Variants in TLR6 observed in about 807,000 individuals in gnomAD.
TLR6 encodes the protein toll like receptor 6, also known as toll-like receptor 6.
TLR6 carries 9 observed loss-of-function variants against 16.1 expected under a neutral mutation model. That is an observed-to-expected ratio of 0.56 (90% CI 0.34 to 0.98). The LOEUF (loss-of-function observed/expected upper bound fraction) is 0.98. Among genes scored for constraint, TLR6 ranks in the 50% least tolerant of loss-of-function variants. The pLI, the probability that TLR6 is intolerant of heterozygous loss-of-function variation, is 0.02. For synonymous variants in TLR6, 340 were observed against 338.6 expected, an observed-to-expected ratio of 1.00 and a Z score of -0.04; for missense variants, 786 against 921.0, an observed-to-expected ratio of 0.85 and a Z score of 1.90.
upstream of TLR6, among the ~76,000 whole-genome samples, chr4:38,860,500 A>C (rs3860069): frequency 0.34 from 50,764 of 149,332 alleles, 10,635 homozygotes; most frequent in East Asian, 0.57. Context: ...TTATATATTA[A>C]GTATTGATAG....
chr4:38,854,561 T>C (rs1005727834), intron 1 of TLR6, among the ~76,000 whole-genome samples: 1 of 152,074 alleles, frequency 6.6e-6, no homozygotes, highest in Non-Finnish European at 1.5e-5. Flanking sequence ...TAGGGAAAAT[T>C]AAAAAATATA....
At chr4:38,838,217 C>T (rs1410570725) in intron 1 of TLR6, among the ~76,000 whole-genome samples, 1 of 152,196 alleles carries the variant, frequency 6.6e-6, no homozygotes, top group Non-Finnish European at 1.5e-5. Flanking sequence ...ATAGAACTAA[C>T]ATACAATCCA....
intron 1 of TLR6, among the ~76,000 whole-genome samples, chr4:38,850,319 A>G (rs1020795726): frequency 6.6e-6 from 1 of 152,232 alleles, no homozygotes; most frequent in South Asian, 2.1e-4. Context: ...AATTAAAAGA[A>G]CTAGAGAAGC....
intron 1 of TLR6, among the ~76,000 whole-genome samples, chr4:38,853,509 G>A (rs1253472119): frequency 6.6e-6 from 1 of 152,178 alleles, no homozygotes; most frequent in Non-Finnish European, 1.5e-5. Context: ...TTATAAGACT[G>A]TCAATGTGGA....
At chr4:38,830,013 G>T (rs2109415414) in intron 1 of TLR6, among the ~76,000 whole-genome samples, 1 of 152,338 alleles carries the variant, frequency 6.6e-6, no homozygotes. Context: ...GGAAATCTCT[G>T]TATATACCAG....
At chr4:38,864,271 A>T in the TLR6 span, among the ~76,000 whole-genome samples, 959 of 152,242 alleles carry the variant, frequency 6.3e-3, 14 homozygotes, top group African/African-American at 0.021. Flanking sequence ...GAATACCAGG[A>T]GTTTGCTTTG....
At chr4:38,850,327 A>G (rs1189035643) in intron 1 of TLR6, among the ~76,000 whole-genome samples, 1 of 152,194 alleles carries the variant, frequency 6.6e-6, no homozygotes, top group Non-Finnish European at 1.5e-5. Context: ...GAACTAGAGA[A>G]GCAAGAGCAA....
chr4:38,823,638 G>A (rs1727409040), downstream of TLR6: 1 of 152,240 alleles, frequency 6.6e-6, no homozygotes, highest in Non-Finnish European at 1.5e-5. Context: ...ATGGATGGAG[G>A]AGATACTTTA....
chr4:38,822,920 G>A (rs991212018), downstream of TLR6, among the ~76,000 whole-genome samples: 1 of 152,196 alleles, frequency 6.6e-6, no homozygotes, highest in African/African-American at 2.4e-5. Flanking sequence ...GAGGTTTATT[G>A]GACCTACAGT....
At chr4:38,864,936 G>C in the TLR6 span, among the ~76,000 whole-genome samples, 1 of 152,312 alleles carries the variant, frequency 6.6e-6, no homozygotes, top group African/African-American at 2.4e-5. Flanking sequence ...CTGGAGCCCA[G>C]GAGTCTGAGG....
At chr4:38,832,859 C>T (rs539919091) in intron 1 of TLR6, among the ~76,000 whole-genome samples, 1 of 152,210 alleles carries the variant, frequency 6.6e-6, no homozygotes, top group Non-Finnish European at 1.5e-5. Flanking sequence ...AGTGTGCATT[C>T]CCCAGAGCCT....
chr4:38,862,085 A>G, the TLR6 span, among the ~76,000 whole-genome samples: 1 of 152,124 alleles, frequency 6.6e-6, no homozygotes, highest in African/African-American at 2.4e-5. Context: ...TTCCCCTGAA[A>G]TTCTATAAGC....
intron 1 of TLR6, among the ~76,000 whole-genome samples, chr4:38,840,647 A>G (rs1261377783): frequency 2.0e-5 from 3 of 152,052 alleles, no homozygotes; most frequent in Non-Finnish European, 2.9e-5. Context: ...AAAAAAAAAA[A>G]AAGAAGACAC....
chr4:38,833,955 A>C (rs1579244321), intron 1 of TLR6, among the ~76,000 whole-genome samples: 1 of 152,128 alleles, frequency 6.6e-6, no homozygotes. Flanking sequence ...GGCCAGGTGC[A>C]GTGGCTCACA....
At chr4:38,828,896 A>G (rs1274347392) in exon 2 of TLR6, 3 of 1,611,782 alleles carry the variant, frequency 1.9e-6, no homozygotes, top group Non-Finnish European at 1.7e-6. Flanking sequence ...TGCATTCAGA[A>G]TTTGTAGACT....
At chr4:38,829,896 G>A (rs747975084) in intron 1 of TLR6, among the ~76,000 whole-genome samples, 2 of 152,224 alleles carry the variant, frequency 1.3e-5, no homozygotes. Context: ...ACTAGCTGCA[G>A]CCACCTGAGC....
At chr4:38,850,902 C>A (rs1410276550) in intron 1 of TLR6, among the ~76,000 whole-genome samples, 3 of 152,132 alleles carry the variant, frequency 2.0e-5, no homozygotes, top group Non-Finnish European at 4.4e-5. Context: ...CATCCTGATA[C>A]CAAAGCCTGG....
upstream of TLR6, among the ~76,000 whole-genome samples, chr4:38,860,989 G>C (rs1246736719): frequency 1.3e-5 from 2 of 152,024 alleles, no homozygotes; most frequent in Admixed American, 1.3e-4. Flanking sequence ...ATGAAAATCA[G>C]GGGACTGAGA....
At chr4:38,853,953 G>A (rs1712867705) in intron 1 of TLR6, among the ~76,000 whole-genome samples, 1 of 152,054 alleles carries the variant, frequency 6.6e-6, no homozygotes, top group African/African-American at 2.4e-5. Context: ...AAGTACCAAA[G>A]TAAATATGTA....
Sources: gnomAD v4.1 joint callset for allele counts (sites outside exome capture counted in the v4.1 genomes callset) on GRCh38, gnomAD v4.1.1 for gene constraint, MANE v1.5 for transcripts, NCBI Gene and HGNC (gene_info 2026-07-23, HGNC 2026-07-21) for gene names.